RBM26: variants seen among roughly 807,000 people sequenced by gnomAD.
The protein encoded by RBM26 is RNA-binding protein 26.
In RBM26, 30 loss-of-function variants were observed where a neutral mutation model predicts 123.6. The observed-to-expected ratio is 0.24, with a 90% CI of 0.18 to 0.33. The LOEUF is 0.33. Ranked by LOEUF, RBM26 falls within the 10% of genes least tolerant of loss-of-function variation. RBM26 has a pLI of 1.00. For missense variants in RBM26, 947 were observed against 1,203.6 expected (o/e 0.79, Z 3.15); for synonymous variants, 400 against 404.4 (o/e 0.99, Z 0.13).
intron 1 of RBM26, among the ~76,000 whole-genome samples, chr13:79,384,343 C>T (rs2077309444): frequency 6.6e-6 from 1 of 151,236 alleles, no homozygotes; most frequent in African/African-American, 2.4e-5. Context: ...TCATTGAAAC[C>T]TTGAACTCCT....
chr13:79,321,710 T>C (rs2067689766), intron 21 of RBM26, among the ~76,000 whole-genome samples: 1 of 151,420 alleles, frequency 6.6e-6, no homozygotes, highest in Non-Finnish European at 1.5e-5. Context: ...GCTGTTTTAC[T>C]GCTTAGGGCC....
chr13:79,373,351 TAAAATATATAA>T (rs1566506397), intron 3 of RBM26, among the ~76,000 whole-genome samples: 2 of 104,284 alleles, frequency 1.9e-5, no homozygotes, highest in African/African-American at 3.9e-5. Flanking sequence ...TATATATAAA[TAAAATATATAA>T]ATATATAATA....
At chr13:79,366,454 A>G (rs1251851643) in intron 7 of RBM26, among the ~76,000 whole-genome samples, 179 bp downstream of exon 7, 1 of 152,228 alleles carries the variant, frequency 6.6e-6, no homozygotes, top group Non-Finnish European at 1.5e-5. Context: ...AAACCATAGT[A>G]ACTGGCTTGG....
chr13:79,387,732 ATT>A (rs945960760), intron 1 of RBM26, among the ~76,000 whole-genome samples: 1 of 152,010 alleles, frequency 6.6e-6, no homozygotes, highest in Non-Finnish European at 1.5e-5. Flanking sequence ...CTTCAAGAGA[ATT>A]TTTTTTCTTT....
intron 3 of RBM26, among the ~76,000 whole-genome samples, chr13:79,375,183 T>A (rs1054060468): frequency 2.3e-4 from 31 of 135,316 alleles, no homozygotes; most frequent in Admixed American, 9.1e-4. Flanking sequence ...ATATATATTT[T>A]TTTTTTGAGA....
intron 17 of RBM26, among the ~76,000 whole-genome samples, 171 bp from the exon 18 acceptor site, chr13:79,341,398 G>A (rs1457675918): frequency 1.3e-5 from 2 of 151,758 alleles, no homozygotes; most frequent in African/African-American, 4.8e-5. Flanking sequence ...AACTGCAACA[G>A]CTTCCTAACT....
intron 5 of RBM26, 147 bp downstream of exon 5, chr13:79,370,798 A>G (rs182965037): frequency 2.3e-6 from 2 of 851,590 alleles, no homozygotes; most frequent in Non-Finnish European, 3.5e-6. Flanking sequence ...AAACTTTTAA[A>G]GGAATTTTTA....
At position 79,326,883 on chromosome 13, in the gene RBM26, A is replaced by T. The variant is rs142068795; in HGVS notation, c.2821-4421T>A. Among the ~76,000 whole-genome samples, 937 of 152,216 alleles carry T rather than the reference A, an allele frequency of 6.2e-3. 5 individuals are homozygous for T. Among genetic ancestry groups the T allele is most frequent in the Non-Finnish European group, 0.01 (696 of 67,986 alleles). On this transcript the variant is annotated intron_variant, in intron 20 of 21. Transcript: ENST00000438737. The stretch of plus-strand genomic sequence containing the variant: ...AAAAGAAGAGACTTTAGTGATTTTT[A>T]AAAATACAGTACTATGGGATTTAAA...
chr13:79,348,974 T>C (rs1218312436), intron 14 of RBM26, among the ~76,000 whole-genome samples: 1 of 152,194 alleles, frequency 6.6e-6, no homozygotes, highest in East Asian at 1.9e-4. Flanking sequence ...CCTTAACTTA[T>C]GATGGGGCTA....
intron 1 of RBM26, among the ~76,000 whole-genome samples, chr13:79,397,617 GGCTGCAGTGA>G (rs2078691042): frequency 1.4e-5 from 2 of 147,832 alleles, no homozygotes; most frequent in Non-Finnish European, 3.0e-5. Context: ...GGGAGGTGGA[GGCTGCAGTGA>G]GCTGAGATCA....
Position 79,373,581 on chromosome 13 carries a change from A to C in RBM26, c.328-1651T>G, listed in dbSNP as rs796724008. Among the ~76,000 whole-genome samples the C allele has an allele frequency of 1.8e-3, 204 of 112,394 alleles. 8 individuals are homozygous for C. In the East Asian group the frequency reaches 0.04, roughly 22 times the overall value. 73.7% of individuals were successfully genotyped at this position (112,394 alleles called of 152,430 possible). On this transcript the variant is annotated intron_variant, in intron 3 of 21. Coordinates refer to ENST00000438737, the MANE Select transcript of RBM26 (RefSeq NM_001366735.2). ...CTATATATATTTATATAATATATTT[A>C]TATATTACTATATATATTTATATAG...
intron 20 of RBM26, among the ~76,000 whole-genome samples, chr13:79,329,326 T>C (rs1447432246): frequency 6.6e-6 from 1 of 152,034 alleles, no homozygotes; most frequent in Admixed American, 6.5e-5. Context: ...TGTGTATATA[T>C]GTGCATATAC....
Position 79,366,200 on chromosome 13 carries a change from C to G in RBM26, c.1136-5G>C. On this transcript the variant is annotated splice_region_variant and splice_polypyrimidine_tract_variant and intron_variant, in intron 7 of 21. Transcript: ENST00000438737. ...GAGGAAGTGGAGGTGGTGGTCCTGT[C>G]AAAACCAAAGAATAAGAAATATCAT... 1 of 1,607,526 alleles carries G rather than the reference C, an allele frequency of 6.2e-7. No homozygotes were observed. Among genetic ancestry groups the G allele is most frequent in the South Asian group, 1.1e-5 (1 of 89,502 alleles).
chr13:79,333,099 A>C (rs1037871586), intron 20 of RBM26, among the ~76,000 whole-genome samples: 1 of 152,206 alleles, frequency 6.6e-6, no homozygotes, highest in Non-Finnish European at 1.5e-5. Flanking sequence ...AGCTTACTCT[A>C]AACTTGCACT....
intron 20 of RBM26, among the ~76,000 whole-genome samples, chr13:79,328,778 AACAG>A (rs1402523575): frequency 6.6e-6 from 1 of 151,224 alleles, no homozygotes; most frequent in African/African-American, 2.4e-5. Context: ...AAACAATAAA[AACAG>A]ACAGCATTTA....
At chr13:79,399,107 G>A (rs2078843143) in intron 1 of RBM26, among the ~76,000 whole-genome samples, 1 of 152,196 alleles carries the variant, frequency 6.6e-6, no homozygotes, top group African/African-American at 2.4e-5. Flanking sequence ...AGTGCTGAGA[G>A]AGAGGAGTCA....
intron 5 of RBM26, 150 bp from the exon 6 acceptor site, chr13:79,369,140 A>AT (rs2075628859): frequency 2.0e-6 from 1 of 489,938 alleles, no homozygotes; most frequent in South Asian, 4.8e-5. Flanking sequence ...TATTCAATTA[A>AT]TATACAATGT....
rs2079505599 is a variant in RBM26, at chr13:79,406,164, G to A, written c.-390C>T. On this transcript the variant is annotated 5_prime_UTR_variant, in exon 1 of 22. Transcript: ENST00000438737. ...AAAAGGCAAAAGTAAAGAAAGCGAA[G>A]GCGAAGGGCAGCTCAATGGGAACGA... The A allele has an allele frequency of 6.2e-6, 1 of 160,224 alleles. No homozygotes were observed. Among genetic ancestry groups the A allele is most frequent in the African/African-American group, 2.4e-5 (1 of 41,816 alleles). 9.9% of individuals were successfully genotyped at this position (160,224 alleles called of 1,614,324 possible). A position where few individuals can be genotyped will look rare whatever the true frequency, so the allele number is the denominator to read the frequency against.
At chr13:79,393,015 G>GC (rs1212337155) in intron 1 of RBM26, among the ~76,000 whole-genome samples, 1 of 152,118 alleles carries the variant, frequency 6.6e-6, no homozygotes, top group Non-Finnish European at 1.5e-5. Flanking sequence ...AGTACCACAA[G>GC]CCACAAAGTG....
Sources: allele counts gnomAD v4.1 joint callset (sites outside exome capture counted in the v4.1 genomes callset), GRCh38; gene constraint gnomAD v4.1.1; transcripts MANE v1.5; gene names NCBI Gene and HGNC (gene_info 2026-07-23, HGNC 2026-07-21).